The following U2SURP variants were observed in gnomAD, a reference collection of about 807,000 sequenced individuals.
U2SURP encodes the protein U2 snRNP-associated SURP motif-containing protein.
A neutral mutation model predicts 144.9 loss-of-function variants in U2SURP; 9 were observed. That is an observed-to-expected ratio of 0.06 (90% CI 0.04 to 0.11). U2SURP has a LOEUF of 0.11. Among genes scored for constraint, U2SURP ranks in the 10% least tolerant of loss-of-function variants. U2SURP has a pLI of 1.00. For synonymous variants in U2SURP, 408 were observed against 396.8 expected (o/e 1.03, Z -0.33); for missense variants, 724 against 1,226.7 (o/e 0.59, Z 6.12).
chr3:143,023,107 T>C, intron 12 of U2SURP, 43 bp downstream of exon 12: 1 of 1,462,090 alleles, frequency 6.8e-7, no homozygotes, highest in Non-Finnish European at 9.3e-7. Flanking sequence ...AATTTGTAAA[T>C]ACTAAAGCTG....
At chr3:143,007,013 T>A (rs1935865575) in intron 1 of U2SURP, among the ~76,000 whole-genome samples, 1 of 152,188 alleles carries the variant, frequency 6.6e-6, no homozygotes, top group Non-Finnish European at 1.5e-5. Context: ...GGTTTTCACT[T>A]AAAGTAAAAT....
chr3:143,013,290 G>A (rs1165089453), intron 3 of U2SURP, among the ~76,000 whole-genome samples: 2 of 151,956 alleles, frequency 1.3e-5, no homozygotes, highest in Admixed American at 1.3e-4. Context: ...CTGAATGATG[G>A]CAAAACGATT....
intron 24 of U2SURP, among the ~76,000 whole-genome samples, chr3:143,050,282 A>G (rs1342946045): frequency 6.6e-6 from 1 of 152,202 alleles, no homozygotes; most frequent in Non-Finnish European, 1.5e-5. Flanking sequence ...CATGTTGGTC[A>G]GGCTGGTCTT....
At chr3:143,055,144 T>C (rs1356496497) in intron 27 of U2SURP, 25 bp downstream of exon 27, 3 of 1,523,034 alleles carry the variant, frequency 2.0e-6, no homozygotes, top group Non-Finnish European at 2.6e-6. Flanking sequence ...TTTTTGCTAA[T>C]ATTTCAGATA....
intron 2 of U2SURP, chr3:143,011,887 G>A (rs995058721): frequency 2.2e-6 from 1 of 458,712 alleles, no homozygotes; most frequent in Non-Finnish European, 4.3e-6. Context: ...TGAAACACCA[G>A]TTTTACTTGG....
chr3:143,046,284 T>A (rs1482041803), intron 24 of U2SURP, among the ~76,000 whole-genome samples: 1 of 108,676 alleles, frequency 9.2e-6, no homozygotes, highest in Non-Finnish European at 1.7e-5. Context: ...TTTTTTTTTT[T>A]AGTTTATTTT....
At chr3:143,001,929 A>G (rs186860890) in intron 1 of U2SURP, among the ~76,000 whole-genome samples, 1 of 152,288 alleles carries the variant, frequency 6.6e-6, no homozygotes, top group African/African-American at 2.4e-5. Context: ...TTGGCATTGG[A>G]GTGAAATCAG....
chr3:143,028,325 G>C lies in U2SURP; in HGVS notation c.1380-15G>C. 1 of 1,604,636 alleles carries C rather than the reference G, an allele frequency of 6.2e-7. No homozygotes were observed. The highest frequency in any genetic ancestry group is 8.5e-7 in the Non-Finnish European group (1 of 1,175,170). ...TTAAAGAATATGATGTTTAATGTTT[G>C]TTTGTTTTGTGTAGGTTCTTATTTG... On this transcript the variant is annotated splice_polypyrimidine_tract_variant and intron_variant, in intron 14 of 27. Coordinates refer to ENST00000473835, the MANE Select transcript of U2SURP (RefSeq NM_001080415.2).
intron 23 of U2SURP, among the ~76,000 whole-genome samples, chr3:143,039,529 C>T (rs974994976): frequency 1.1e-4 from 16 of 151,166 alleles, no homozygotes; most frequent in Non-Finnish European, 3.0e-5. Flanking sequence ...CTCAGATTCT[C>T]CTGCAAGTCT....
intron 19 of U2SURP, among the ~76,000 whole-genome samples, chr3:143,035,361 T>A (rs1417898076): frequency 6.6e-6 from 1 of 152,162 alleles, no homozygotes; most frequent in Non-Finnish European, 1.5e-5. Context: ...TAGACCAGTG[T>A]TAAGAAAAGC....
chr3:143,050,573 A>G (rs2108316822), intron 24 of U2SURP, among the ~76,000 whole-genome samples: 1 of 152,270 alleles, frequency 6.6e-6, no homozygotes, highest in South Asian at 2.1e-4. Context: ...CCTCTTTTTT[A>G]AAGATGTTTA....
At chr3:143,027,310 TA>T in intron 14 of U2SURP, 57 bp downstream of exon 14, 1 of 1,314,866 alleles carries the variant, frequency 7.6e-7, no homozygotes, top group Non-Finnish European at 1.1e-6. Context: ...CCATTTTAAC[TA>T]TTTTTAAGTA....
intron 14 of U2SURP, among the ~76,000 whole-genome samples, chr3:143,028,076 A>G (rs913662823): frequency 1.1e-4 from 17 of 152,160 alleles, no homozygotes; most frequent in Admixed American, 3.3e-4. Flanking sequence ...AGTATCTGCC[A>G]TGTAAGTGTT....
chr3:143,050,239 A>T (rs574548159), intron 24 of U2SURP, among the ~76,000 whole-genome samples: 1 of 151,946 alleles, frequency 6.6e-6, no homozygotes, highest in South Asian at 2.1e-4. Flanking sequence ...ATGCCTGGCT[A>T]ATTTTGTATT....
At chr3:143,024,440 C>T (rs764218493) in intron 13 of U2SURP, 8 of 415,800 alleles carry the variant, frequency 1.9e-5, no homozygotes, top group South Asian at 1.4e-4. Context: ...GTTCTCCTTA[C>T]TGAAGGCATA....
chr3:143,013,434 T>C (rs1481941395), intron 3 of U2SURP, among the ~76,000 whole-genome samples: 1 of 152,084 alleles, frequency 6.6e-6, no homozygotes, highest in Admixed American at 6.6e-5. Flanking sequence ...AATGTTACTC[T>C]TCTATTCTGC....
At chr3:143,029,593 TATTGAA>T (rs1235523597) in intron 16 of U2SURP, among the ~76,000 whole-genome samples, 1 of 152,178 alleles carries the variant, frequency 6.6e-6, no homozygotes, top group Non-Finnish European at 1.5e-5. Context: ...GACACAACAC[TATTGAA>T]ATTAGGCCAG....
chr3:143,047,828 G>A (rs773695388), intron 24 of U2SURP, among the ~76,000 whole-genome samples: 25 of 119,120 alleles, frequency 2.1e-4, no homozygotes, highest in Non-Finnish European at 3.4e-4. Flanking sequence ...AGGGGCGGCC[G>A]GGCAGAGGAG....
At chr3:143,047,165 G>C (rs1934535560) in intron 24 of U2SURP, among the ~76,000 whole-genome samples, 1 of 98,638 alleles carries the variant, frequency 1.0e-5, no homozygotes, top group Admixed American at 8.6e-5. Context: ...CGGCTGGCCA[G>C]GCGGGGGGCT....
Sources: gnomAD v4.1 joint callset for allele counts (sites outside exome capture counted in the v4.1 genomes callset) on GRCh38, gnomAD v4.1.1 for gene constraint, MANE v1.5 for transcripts, NCBI Gene and HGNC (gene_info 2026-07-23, HGNC 2026-07-21) for gene names.